Variants in TMPRSS15 observed in about 807,000 individuals in gnomAD.
TMPRSS15 encodes the protein enteropeptidase.
Under a neutral mutation model 125.3 loss-of-function variants are expected in TMPRSS15, and 128 were observed. The observed-to-expected ratio is 1.02, with a 90% CI of 0.89 to 1.18. The LOEUF (loss-of-function observed/expected upper bound fraction) is 1.18. Among genes scored for constraint, TMPRSS15 ranks in the 50% most tolerant of loss-of-function variants. The probability of loss-of-function intolerance (pLI) is 0.00; values close to 1 mark genes in which losing one functional copy is unlikely to be tolerated. For missense variants in TMPRSS15, 1,283 were observed against 1,212.7 expected (o/e 1.06, Z -0.86); for synonymous variants, 446 against 423.2 (o/e 1.05, Z -0.66).
chr21:18,303,497 C>T (rs933126871), intron 18 of TMPRSS15, among the ~76,000 whole-genome samples: 1 of 152,050 alleles, frequency 6.6e-6, no homozygotes, highest in African/African-American at 2.4e-5. Flanking sequence ...ACAAGTTGAG[C>T]AGTTGGAAGC....
At chr21:18,394,686 C>A (rs1325344540) in intron 3 of TMPRSS15, among the ~76,000 whole-genome samples, 1 of 151,098 alleles carries the variant, frequency 6.6e-6, no homozygotes, top group African/African-American at 2.4e-5. Context: ...CCAGTTTTTA[C>A]TAAAACAACA....
chr21:18,325,106 A>G (rs1437105905), intron 16 of TMPRSS15, among the ~76,000 whole-genome samples: 2 of 152,128 alleles, frequency 1.3e-5, no homozygotes, highest in South Asian at 2.1e-4. Flanking sequence ...ATGTAAATAC[A>G]TATCTATTGA....
chr21:18,333,567 T>C (rs555684337), intron 13 of TMPRSS15, among the ~76,000 whole-genome samples: 15 of 152,290 alleles, frequency 9.8e-5, no homozygotes, highest in African/African-American at 3.4e-4. Context: ...TATTTATTTT[T>C]TGGTAGTCTT....
chr21:18,354,306 C>G (rs1267252189), intron 8 of TMPRSS15, among the ~76,000 whole-genome samples: 2 of 151,776 alleles, frequency 1.3e-5, no homozygotes, highest in African/African-American at 4.8e-5. Flanking sequence ...TTCTTTGGCT[C>G]TTTACGCTTG....
At chr21:18,383,022 T>C (rs2075907323) in intron 4 of TMPRSS15, among the ~76,000 whole-genome samples, 1 of 152,194 alleles carries the variant, frequency 6.6e-6, no homozygotes, top group South Asian at 2.1e-4. Flanking sequence ...ACTCATTGAC[T>C]CTACTTTTTT....
At position 18,398,179 on chromosome 21, in the gene TMPRSS15, A is replaced by G. The variant is rs769228782; in HGVS notation, c.276+20T>C. The G allele has an allele frequency of 1.6e-5, 26 of 1,613,608 alleles. No homozygotes were observed. In the East Asian group the frequency reaches 5.1e-4, roughly 32 times the overall value. ...GTTAAACTGTGTTATAAAATTTGAAACCAGCTGTCAGTCTCCTACCATTTG... is the reference window on the plus strand; with the variant it reads ...GTTAAACTGTGTTATAAAATTTGAAGCCAGCTGTCAGTCTCCTACCATTTG... On this transcript the variant is annotated intron_variant, in intron 2 of 24. Coordinates refer to ENST00000284885, the MANE Select transcript of TMPRSS15 (RefSeq NM_002772.3).
At chr21:18,280,358 C>T (rs2074677144) in intron 22 of TMPRSS15, among the ~76,000 whole-genome samples, 2 of 152,100 alleles carry the variant, frequency 1.3e-5, no homozygotes, top group African/African-American at 2.4e-5. Context: ...GGGTGGATCA[C>T]AAGGTCAAGA....
chr21:18,468,262 A>C (rs1311360833), intron 1 of TMPRSS15, among the ~76,000 whole-genome samples: 2 of 152,098 alleles, frequency 1.3e-5, no homozygotes, highest in Non-Finnish European at 2.9e-5. Flanking sequence ...TGAATGATTT[A>C]ACCTCAGTGC....
chr21:18,271,585 ATTTTC>A (rs60747056), intron 24 of TMPRSS15, among the ~76,000 whole-genome samples: 12 of 150,974 alleles, frequency 7.9e-5, no homozygotes, highest in Middle Eastern at 3.4e-3. Flanking sequence ...CCTTACCTTA[ATTTTC>A]TTTTCTTTTC....
At chr21:18,328,550 G>T (rs990899994) in intron 15 of TMPRSS15, among the ~76,000 whole-genome samples, 5 of 152,110 alleles carry the variant, frequency 3.3e-5, no homozygotes, top group Non-Finnish European at 5.9e-5. Context: ...GGTAGGAACT[G>T]ATGACTCAAA....
intron 1 of TMPRSS15, among the ~76,000 whole-genome samples, chr21:18,439,869 A>G (rs867341545): frequency 3.3e-5 from 5 of 152,338 alleles, no homozygotes; most frequent in Middle Eastern, 6.8e-3. Flanking sequence ...GATTTATCGA[A>G]AGCTAGAAAT....
At chr21:18,471,351 A>G (rs1978776866) in intron 1 of TMPRSS15, among the ~76,000 whole-genome samples, 1 of 152,098 alleles carries the variant, frequency 6.6e-6, no homozygotes, top group Non-Finnish European at 1.5e-5. Context: ...TCTCTTGGTT[A>G]TCTTAGCTGT....
intron 18 of TMPRSS15, among the ~76,000 whole-genome samples, chr21:18,300,079 A>G (rs1303818253): frequency 1.3e-5 from 2 of 151,110 alleles, no homozygotes; most frequent in Non-Finnish European, 2.9e-5. Flanking sequence ...AATAGATGTT[A>G]GAGAGGTGGA....
chr21:18,342,290 T>C (rs1203134461), intron 12 of TMPRSS15, among the ~76,000 whole-genome samples: 2 of 152,252 alleles, frequency 1.3e-5, no homozygotes, highest in Non-Finnish European at 2.9e-5. Context: ...ATGGTATACA[T>C]TGATCTTATT....
chr21:18,378,848 A>T (rs929966306), intron 5 of TMPRSS15, among the ~76,000 whole-genome samples: 1 of 152,140 alleles, frequency 6.6e-6, no homozygotes, highest in Admixed American at 6.6e-5. Context: ...GAATGAATGA[A>T]TGAATCCAAG....
In TMPRSS15 at chr21:18,383,741, CAAAGA is replaced by C; in HGVS notation, c.377_381del (p.Phe126CysfsTer7). ...ACATTTTCATCTGACACCCACTGGG[CAAAGA>C]AAAGGTCAAATACGACTATAATGCT... On this transcript the variant is annotated frameshift_variant, in exon 4 of 25. Coordinates refer to ENST00000284885, the MANE Select transcript of TMPRSS15 (RefSeq NM_002772.3). LOFTEE classifies it high-confidence loss of function. The C allele has an allele frequency of 6.2e-7, 1 of 1,613,652 alleles. No individual in the cohort carries two copies. Among genetic ancestry groups the C allele is most frequent in the Non-Finnish European group, 8.5e-7 (1 of 1,179,846 alleles).
intron 13 of TMPRSS15, among the ~76,000 whole-genome samples, chr21:18,336,875 T>G (rs1435521738): frequency 1.0e-5 from 1 of 97,116 alleles, no homozygotes; most frequent in Non-Finnish European, 2.1e-5. Context: ...TAAATCAAAA[T>G]AGAACAACCC....
intron 16 of TMPRSS15, among the ~76,000 whole-genome samples, chr21:18,325,690 G>A (rs2075281576): frequency 6.6e-6 from 1 of 151,968 alleles, no homozygotes; most frequent in African/African-American, 2.4e-5. Flanking sequence ...AAGAACCACT[G>A]AGTTGCCGGG....
At chr21:18,475,067 A>G (rs1160149454) in intron 1 of TMPRSS15, among the ~76,000 whole-genome samples, 1 of 152,186 alleles carries the variant, frequency 6.6e-6, no homozygotes, top group East Asian at 1.9e-4. Context: ...CATTATTTCT[A>G]GGACAGCTGG....
Sources: allele counts gnomAD v4.1 joint callset (sites outside exome capture counted in the v4.1 genomes callset), GRCh38; gene constraint gnomAD v4.1.1; transcripts MANE v1.5; gene names NCBI Gene and HGNC (gene_info 2026-07-23, HGNC 2026-07-21).